Variants in ACAD11 observed in about 807,000 individuals in gnomAD.
The protein encoded by ACAD11 is acyl-Coenzyme A dehydrogenase family, member 11.
ACAD11 carries 83 observed loss-of-function variants against 102.2 expected under a neutral mutation model. That is an observed-to-expected ratio of 0.81 (90% CI 0.68 to 0.97). The LOEUF is 0.97. ACAD11 is among the 50% of genes least tolerant of loss of function. The pLI is 0.00. For missense variants in ACAD11, 901 were observed against 951.7 expected (o/e 0.95, Z 0.70); for synonymous variants, 324 against 319.8 (o/e 1.01, Z -0.14).
At position 132,558,977 on chromosome 3, in the gene ACAD11, C is replaced by A; in HGVS notation, c.2337G>T (p.Lys779Asn). ...TGTGGCAGTGCCACCCTCCTTATATCTTGGCTGTCAGTCTTTTGGCTTGGT... is the reference window on the plus strand; with the variant it reads ...TGTGGCAGTGCCACCCTCCTTATATATTGGCTGTCAGTCTTTTGGCTTGGT... ...LRDQAKRLTA[K>N]I Residue 779 changes from lysine (K) to asparagine (N), a missense_variant, in exon 20 of 20, where the codon AAG (lysine) becomes AAT (asparagine). Transcript: ENST00000264990. The A allele has an allele frequency of 6.2e-7, 1 of 1,612,298 alleles. No homozygotes were observed. Among genetic ancestry groups the A allele is most frequent in the Admixed American group, 1.7e-5 (1 of 59,888 alleles).
chr3:132,635,787 C>T lies in ACAD11; in HGVS notation c.702+3705G>A, dbSNP rs548505217. Among the ~76,000 whole-genome samples the T allele has an allele frequency of 3.9e-5, 6 of 152,108 alleles. 1 individual carries two copies. The South Asian group carries it at 8.3e-4, about 21-fold the overall frequency. ...GGCAATCAAAACTTTGCCATTGTTA[C>T]TGTGGAAAAAAATTGATCACTCCTT... On this transcript the variant is annotated intron_variant, in intron 5 of 19. Transcript: ENST00000264990.
At chr3:132,635,893 T>C (rs1940257420) in intron 5 of ACAD11, among the ~76,000 whole-genome samples, 1 of 151,980 alleles carries the variant, frequency 6.6e-6, no homozygotes, top group Non-Finnish European at 1.5e-5. Context: ...TAAATTACTA[T>C]ACTAGCTAGA....
intron 9 of ACAD11, among the ~76,000 whole-genome samples, chr3:132,623,956 G>A (rs2107854878): frequency 6.6e-6 from 1 of 152,140 alleles, no homozygotes; most frequent in South Asian, 2.1e-4. Flanking sequence ...TAATCAGGGA[G>A]GACAGACAAC....
intron 13 of ACAD11, among the ~76,000 whole-genome samples, chr3:132,595,451 A>C (rs1938259596): frequency 6.6e-6 from 1 of 152,146 alleles, no homozygotes; most frequent in African/African-American, 2.4e-5. Flanking sequence ...AAATTGACAA[A>C]TGGGACCTAA....
chr3:132,580,826 T>C (rs1191470257), intron 13 of ACAD11, among the ~76,000 whole-genome samples: 6 of 151,868 alleles, frequency 4.0e-5, no homozygotes, highest in African/African-American at 9.7e-5. Context: ...TAAGTGTGAA[T>C]AGAAAACCAA....
intron 13 of ACAD11, among the ~76,000 whole-genome samples, chr3:132,586,502 C>T (rs1296399455): frequency 6.6e-6 from 1 of 151,500 alleles, no homozygotes; most frequent in Non-Finnish European, 1.5e-5. Context: ...AAAAAAAAAA[C>T]CACATGCATT....
intron 1 of ACAD11, among the ~76,000 whole-genome samples, chr3:132,657,866 C>CTTTTTTTTTTTTTTTTTTTTTTTT (rs56190801): frequency 8.4e-6 from 1 of 119,166 alleles, no homozygotes; most frequent in African/African-American, 3.1e-5. Context: ...ACACATATTC[C>CTTTTTTTTTTTTTTTTTTTTTTTT]TTTTTTTTTT....
intron 13 of ACAD11, chr3:132,601,100 A>G (rs1287863044): frequency 8.1e-6 from 13 of 1,613,752 alleles, no homozygotes; most frequent in Middle Eastern, 1.6e-4. Flanking sequence ...AAACATTAAA[A>G]TATCTCGACC....
At chr3:132,581,825 C>T (rs1937603207) in intron 13 of ACAD11, among the ~76,000 whole-genome samples, 1 of 119,478 alleles carries the variant, frequency 8.4e-6, no homozygotes, top group Non-Finnish European at 1.8e-5. Flanking sequence ...GACACAAAAT[C>T]TAACACACTA....
intron 17 of ACAD11, among the ~76,000 whole-genome samples, chr3:132,562,276 G>A (rs1441871024): frequency 6.6e-6 from 1 of 152,020 alleles, no homozygotes; most frequent in Non-Finnish European, 1.5e-5. Flanking sequence ...GCTAATTTTT[G>A]TATTTTTTAG....
At position 132,626,772 on chromosome 3, in the gene ACAD11, C is replaced by A. The variant is rs748283268; in HGVS notation, c.1116G>T (p.Leu372Phe). The change falls in exon 9 of 20, where the codon TTG (leucine) becomes TTT (phenylalanine). Residue 372 changes from leucine to phenylalanine, a missense_variant. Transcript: ENST00000264990. ...CCTGACCTTTCCGAGTCTGTACAAACAACTGTCCAGTAGTATCAATCTGTG... is the reference window on the plus strand; with the variant it reads ...CCTGACCTTTCCGAGTCTGTACAAAAAACTGTCCAGTAGTATCAATCTGTG... ...VLPQIDTTGQ[L>F]FVQTRKGQEV... The A allele has an allele frequency of 6.2e-7, 1 of 1,613,754 alleles. No individual in the cohort carries two copies. Among genetic ancestry groups the A allele is most frequent in the Admixed American group, 1.7e-5 (1 of 60,020 alleles).
intron 11 of ACAD11, among the ~76,000 whole-genome samples, chr3:132,613,546 T>C (rs1939262560): frequency 1.3e-5 from 2 of 152,066 alleles, no homozygotes; most frequent in East Asian, 1.9e-4. Flanking sequence ...GGTATTCAGA[T>C]AGGAAGAGAG....
intron 13 of ACAD11, among the ~76,000 whole-genome samples, chr3:132,592,510 A>G (rs1399175252): frequency 6.6e-6 from 1 of 152,200 alleles, no homozygotes; most frequent in Non-Finnish European, 1.5e-5. Flanking sequence ...TTAGTTGATG[A>G]TTTTTAATTT....
In ACAD11 at chr3:132,659,680, G is replaced by A. The variant is rs1427368145; in HGVS notation, c.72C>T (p.Ser24=). The change falls in exon 1 of 20, where the codon TCC becomes TCT. Residue 24 remains serine, a synonymous_variant. Coordinates refer to ENST00000264990, the MANE Select transcript of ACAD11 (RefSeq NM_032169.5). The part of the protein sequence containing the change: ...VLPQHKFDSK[S]LEAYLNQHLS... ...AGTGCTGGTTTAGGTAGGCCTCCAGGGACTTGCTGTCGAACTTGTGCTGGG... is the reference window on the plus strand; with the variant it reads ...AGTGCTGGTTTAGGTAGGCCTCCAGAGACTTGCTGTCGAACTTGTGCTGGG... 26 of 1,611,350 alleles carry A rather than the reference G, an allele frequency of 1.6e-5. No homozygotes were observed. The highest frequency in any genetic ancestry group is 2.1e-5 in the Non-Finnish European group (25 of 1,178,694).
chr3:132,597,548 TA>T (rs1218159138), intron 13 of ACAD11, among the ~76,000 whole-genome samples: 2 of 152,124 alleles, frequency 1.3e-5, no homozygotes, highest in Non-Finnish European at 2.9e-5. Context: ...TACTTGTCGG[TA>T]AAACTTTGTT....
chr3:132,572,913 T>A (rs1937423060), intron 17 of ACAD11, among the ~76,000 whole-genome samples: 1 of 152,192 alleles, frequency 6.6e-6, no homozygotes, highest in African/African-American at 2.4e-5. Flanking sequence ...TTTATTTTCC[T>A]TTCTTTTCTT....
intron 13 of ACAD11, among the ~76,000 whole-genome samples, chr3:132,588,318 G>A (rs1937934606): frequency 6.6e-6 from 1 of 152,076 alleles, no homozygotes; most frequent in South Asian, 2.1e-4. Flanking sequence ...CTCCCCCAGA[G>A]TTCTTACCTT....
chr3:132,606,645 C>T (rs565824311), intron 11 of ACAD11, among the ~76,000 whole-genome samples: 9 of 152,310 alleles, frequency 5.9e-5, no homozygotes, highest in Non-Finnish European at 1.2e-4. Flanking sequence ...GGCTTATAGA[C>T]GAAACTCCCA....
intron 13 of ACAD11, chr3:132,600,262 A>C (rs1402567883): frequency 1.0e-5 from 8 of 786,516 alleles, no homozygotes; most frequent in Non-Finnish European, 1.4e-5. Flanking sequence ...AGAGTGCTAG[A>C]TTCAGGCTCA....
Sources: allele counts gnomAD v4.1 joint callset (sites outside exome capture counted in the v4.1 genomes callset), GRCh38; gene constraint gnomAD v4.1.1; transcripts MANE v1.5; gene names NCBI Gene and HGNC (gene_info 2026-07-23, HGNC 2026-07-21).